Variants in DIP2C observed in about 807,000 individuals in gnomAD.
DIP2C encodes DIP2 acetate--CoA ligase C (putative), also known as disco-interacting protein 2 homolog C.
A neutral mutation model predicts 192.4 loss-of-function variants in DIP2C; 33 were observed. The ratio of observed to expected loss-of-function variants is 0.17; its 90% CI spans 0.13 to 0.23. The LOEUF (loss-of-function observed/expected upper bound fraction) is 0.23. Ranked by LOEUF, DIP2C falls within the 10% of genes least tolerant of loss-of-function variation. DIP2C has a pLI of 1.00. For synonymous variants in DIP2C, 979 were observed against 864.1 expected, an observed-to-expected ratio of 1.13 and a Z score of -2.33; for missense variants, 1,537 against 2,110.1, an observed-to-expected ratio of 0.73 and a Z score of 5.32.
intron 32 of DIP2C, among the ~76,000 whole-genome samples, chr10:307,939 G>C (rs1217723635): frequency 6.6e-6 from 1 of 150,686 alleles, no homozygotes; most frequent in African/African-American, 2.4e-5. Context: ...GGGGTGCCTG[G>C]GCGGGGCCCG....
intron 3 of DIP2C, among the ~76,000 whole-genome samples, chr10:442,156 G>A (rs1031719480): frequency 6.6e-6 from 1 of 152,214 alleles, no homozygotes; most frequent in African/African-American, 2.4e-5. Context: ...CAGTGTGAGT[G>A]AAGACGGGTT....
At chr10:581,101 G>C (rs80181946) in intron 1 of DIP2C, among the ~76,000 whole-genome samples, 1 of 152,250 alleles carries the variant, frequency 6.6e-6, no homozygotes, top group Non-Finnish European at 1.5e-5. Flanking sequence ...TTCTAGGAGC[G>C]ATGTCTGGCA....
chr10:641,222 G>A (rs979774438), intron 1 of DIP2C, among the ~76,000 whole-genome samples: 7 of 151,940 alleles, frequency 4.6e-5, no homozygotes, highest in East Asian at 3.9e-4. Context: ...GACGCTCTCC[G>A]GACCCCTAGG....
At chr10:510,825 A>G (rs1845963466) in intron 1 of DIP2C, among the ~76,000 whole-genome samples, 1 of 152,220 alleles carries the variant, frequency 6.6e-6, no homozygotes. Context: ...AAACCTCCGT[A>G]AAGATCAGGG....
At chr10:369,405 C>T (rs1284040764) in intron 18 of DIP2C, 89 bp downstream of exon 18, 61 of 1,450,294 alleles carry the variant, frequency 4.2e-5, no homozygotes, top group Admixed American at 2.6e-4. Context: ...CACGGGAACG[C>T]GGGAACGTGG....
At position 337,026 on chromosome 10, in the gene DIP2C, TGTGTGTTGTGGAGGCCTAGACTG is replaced by T. The variant is rs1175762798; in HGVS notation, c.3584+4150_3584+4172del. On this transcript the variant is annotated intron_variant, in intron 29 of 36. Coordinates refer to ENST00000280886, the MANE Select transcript of DIP2C (RefSeq NM_014974.3). ...GCCTAGGCAGCTGTGTGTGTGTGTG[TGTGTGTTGTGGAGGCCTAGACTG>T]GTGTGTGTGTGTGTGTGTGTGTGTT... Among the ~76,000 whole-genome samples the T allele has an allele frequency of 2.0e-4, 18 of 88,848 alleles. 2 individuals carry two copies. Among genetic ancestry groups the T allele is most frequent in the East Asian group, 7.2e-4 (2 of 2,780 alleles). The allele number at this position is 88,848 out of a possible 152,430, so 58.3% of individuals were successfully genotyped here.
intron 1 of DIP2C, among the ~76,000 whole-genome samples, chr10:582,008 T>C (rs2131593323): frequency 6.6e-6 from 1 of 151,636 alleles, no homozygotes; most frequent in Middle Eastern, 3.4e-3. Flanking sequence ...CCGAGATCCC[T>C]CACGCACAGT....
intron 3 of DIP2C, among the ~76,000 whole-genome samples, chr10:450,616 C>T (rs781699062): frequency 6.6e-5 from 10 of 152,162 alleles, no homozygotes; most frequent in Non-Finnish European, 1.2e-4. Context: ...CTAGCAGCAG[C>T]AAGAGAGACA....
At chr10:649,184 G>A (rs1056079936) in intron 1 of DIP2C, among the ~76,000 whole-genome samples, 9 of 149,588 alleles carry the variant, frequency 6.0e-5, no homozygotes, top group Admixed American at 2.7e-4. Flanking sequence ...CTGAGTCCAC[G>A]TCCACATTTG....
chr10:534,779 C>T (rs1847603553), intron 1 of DIP2C, among the ~76,000 whole-genome samples: 1 of 151,746 alleles, frequency 6.6e-6, no homozygotes, highest in African/African-American at 2.4e-5. Context: ...CGGGTTCACG[C>T]CATTCTCCTG....
intron 17 of DIP2C, among the ~76,000 whole-genome samples, chr10:379,203 C>CCA (rs796130083): frequency 4.0e-5 from 1 of 25,296 alleles, no homozygotes; most frequent in East Asian, 3.4e-3. Context: ...CCCCCCCCCC[C>CCA]CACAACCCCT....
intron 1 of DIP2C, among the ~76,000 whole-genome samples, chr10:494,113 G>A (rs939548529): frequency 3.3e-5 from 5 of 152,202 alleles, no homozygotes; most frequent in African/African-American, 9.6e-5. Context: ...TGGGCCACAG[G>A]GGATGGTCAT....
intron 9 of DIP2C, among the ~76,000 whole-genome samples, chr10:401,259 A>G (rs898186197): frequency 6.6e-6 from 1 of 151,026 alleles, no homozygotes; most frequent in African/African-American, 2.4e-5. Context: ...GAATCCTATG[A>G]TTTTACATGT....
At chr10:488,451 T>A (rs2133568465) in intron 1 of DIP2C, among the ~76,000 whole-genome samples, 1 of 152,350 alleles carries the variant, frequency 6.6e-6, no homozygotes, top group South Asian at 2.1e-4. Flanking sequence ...CTCACGTTCC[T>A]CACCCAGGAC....
intron 17 of DIP2C, 77 bp downstream of exon 17, chr10:382,570 A>G: frequency 3.4e-6 from 4 of 1,165,428 alleles, no homozygotes; most frequent in Non-Finnish European, 5.0e-6. Context: ...ATCAACTGTT[A>G]GGATTTCCTG....
At chr10:625,497 G>A (rs556673174) in intron 1 of DIP2C, among the ~76,000 whole-genome samples, 12 of 152,258 alleles carry the variant, frequency 7.9e-5, no homozygotes, top group Middle Eastern at 3.4e-3. Context: ...CTTTCTGCAG[G>A]CTCCCCTACG....
chr10:579,024 C>T (rs1025166196), intron 1 of DIP2C, among the ~76,000 whole-genome samples: 67 of 152,144 alleles, frequency 4.4e-4, no homozygotes, highest in Non-Finnish European at 4.7e-4. Context: ...GTAGAGCGTA[C>T]ATACATCCAG....
intron 17 of DIP2C, among the ~76,000 whole-genome samples, chr10:375,526 G>A (rs1961457739): frequency 1.3e-5 from 2 of 152,184 alleles, no homozygotes; most frequent in Non-Finnish European, 2.9e-5. Context: ...CTTGCAATGT[G>A]GCCTCACGAG....
intron 1 of DIP2C, among the ~76,000 whole-genome samples, chr10:661,613 T>C (rs1343097910): frequency 6.6e-6 from 1 of 152,186 alleles, no homozygotes; most frequent in African/African-American, 2.4e-5. Context: ...CGTGCAGCTC[T>C]TCTCTGGACT....
Sources: gnomAD v4.1 joint callset for allele counts (sites outside exome capture counted in the v4.1 genomes callset) on GRCh38, gnomAD v4.1.1 for gene constraint, MANE v1.5 for transcripts, NCBI Gene and HGNC (gene_info 2026-07-23, HGNC 2026-07-21) for gene names.